Variants in IPCEF1 observed in about 807,000 individuals in gnomAD.
IPCEF1 encodes interactor protein for cytohesin exchange factors 1.
A neutral mutation model predicts 50.9 loss-of-function variants in IPCEF1; 31 were observed. The observed-to-expected ratio is 0.61, with a 90% CI of 0.46 to 0.82. IPCEF1 has a LOEUF of 0.82. Ranked by LOEUF, IPCEF1 falls within the 40% of genes least tolerant of loss-of-function variation. The pLI, the probability that IPCEF1 is intolerant of heterozygous loss-of-function variation, is 0.00. For synonymous variants in IPCEF1, 181 were observed against 192.0 expected, an observed-to-expected ratio of 0.94 and a Z score of 0.47; for missense variants, 458 against 514.0, an observed-to-expected ratio of 0.89 and a Z score of 1.05.
At chr6:154,347,771 C>A (rs1205444493) in intron 1 of IPCEF1, among the ~76,000 whole-genome samples, 1 of 152,188 alleles carries the variant, frequency 6.6e-6, no homozygotes, top group African/African-American at 2.4e-5. Flanking sequence ...CCAGGAGCAT[C>A]CATCCATTGG....
intron 2 of IPCEF1, among the ~76,000 whole-genome samples, chr6:154,274,801 C>T (rs1583933159): frequency 6.6e-6 from 1 of 152,218 alleles, no homozygotes; most frequent in South Asian, 2.1e-4. Context: ...CCACATGCAC[C>T]CTGTGTTGGT....
chr6:154,279,200 ACCAGCCAC>A (rs1562577120), intron 2 of IPCEF1, among the ~76,000 whole-genome samples: 2 of 152,164 alleles, frequency 1.3e-5, no homozygotes, highest in African/African-American at 4.8e-5. Context: ...CAACATTTCT[ACCAGCCAC>A]CAACAGTTTG....
chr6:154,237,874 A>G (rs1289433308), intron 5 of IPCEF1, among the ~76,000 whole-genome samples: 3 of 151,906 alleles, frequency 2.0e-5, no homozygotes, highest in African/African-American at 7.3e-5. Flanking sequence ...ATGTGTCAAT[A>G]CTTATACATT....
intron 1 of IPCEF1, among the ~76,000 whole-genome samples, chr6:154,344,367 T>A (rs1783982978): frequency 6.6e-6 from 1 of 152,320 alleles, no homozygotes; most frequent in East Asian, 1.9e-4. Flanking sequence ...TTTTCTTCCA[T>A]CTGTATATCC....
intron 9 of IPCEF1, among the ~76,000 whole-genome samples, chr6:154,204,687 A>G (rs1480947319): frequency 3.3e-5 from 5 of 152,180 alleles, no homozygotes; most frequent in African/African-American, 1.2e-4. Context: ...ACCTGCAAGT[A>G]CCATTCTAGT....
chr6:154,354,427 A>ACCTCCACCATCTCCTCCACCACCC (rs1562300296), intron 1 of IPCEF1, among the ~76,000 whole-genome samples: 5 of 144,934 alleles, frequency 3.4e-5, no homozygotes, highest in African/African-American at 7.6e-5. Context: ...CTCCACCACC[A>ACCTCCACCATCTCCTCCACCACCC]CCTCCACCAT....
intron 3 of IPCEF1, among the ~76,000 whole-genome samples, chr6:154,256,119 T>C (rs1465343291): frequency 6.6e-6 from 1 of 152,178 alleles, no homozygotes; most frequent in African/African-American, 2.4e-5. Context: ...AAACAACAAA[T>C]ATTTATCTCA....
chr6:154,212,802 G>C lies in IPCEF1; in HGVS notation c.505C>G (p.Pro169Ala). The change falls in exon 9 of 12, where the codon CCC becomes GCC. Residue 169 changes from proline to alanine, a missense_variant. Pro to Ala is a conservative substitution (Grantham distance 27). Coordinates refer to ENST00000367220, the MANE Select transcript of IPCEF1 (RefSeq NM_001130700.2). The part of the protein sequence containing the change: ...EDPEIAAETP[P>A]PPHASQTQSL... The stretch of plus-strand genomic sequence containing the variant: ...TGAGTCTGGGAAGCGTGAGGAGGGG[G>C]TGGTGTCTCCGCAGCTATTTCTGGA... 6.2e-7 allele frequency: 1 copy of C among 1,613,612 alleles called. No homozygotes were observed. Among genetic ancestry groups the C allele is most frequent in the Non-Finnish European group, 8.5e-7 (1 of 1,179,480 alleles).
chr6:154,261,976 A>C (rs575462066), intron 3 of IPCEF1, among the ~76,000 whole-genome samples: 1 of 152,232 alleles, frequency 6.6e-6, no homozygotes, highest in Non-Finnish European at 1.5e-5. Flanking sequence ...ACTACCTAGC[A>C]TAAAAATAGG....
intron 10 of IPCEF1, among the ~76,000 whole-genome samples, chr6:154,197,125 T>C (rs563283876): frequency 9.9e-5 from 15 of 152,186 alleles, no homozygotes; most frequent in Non-Finnish European, 1.9e-4. Context: ...TTTTGAACCA[T>C]GTTAAGATTT....
Position 154,290,850 on chromosome 6 carries a change from T to G in IPCEF1, c.-61-1094A>C, listed in dbSNP as rs369748887. 3.3e-5 allele frequency among the ~76,000 whole-genome samples: 5 copies of G among 152,020 alleles called. No individual in the cohort carries two copies. The East Asian group carries it at 7.7e-4, about 23-fold the overall frequency. ...AAAGATGTGCACATAGATTGAGAAC[T>G]TCTATCTATTTTCCTGGAATTTTTC... On this transcript the variant is annotated intron_variant, in intron 1 of 11. Coordinates refer to ENST00000367220, the MANE Select transcript of IPCEF1 (RefSeq NM_001130700.2).
chr6:154,261,789 G>A (rs149665828), intron 3 of IPCEF1, among the ~76,000 whole-genome samples: 31 of 152,184 alleles, frequency 2.0e-4, no homozygotes, highest in African/African-American at 7.5e-4. Context: ...TAGGATCAAC[G>A]AAAGGACCTT....
At chr6:154,254,941 G>A (rs1039004937) in intron 3 of IPCEF1, among the ~76,000 whole-genome samples, 1 of 151,668 alleles carries the variant, frequency 6.6e-6, no homozygotes, top group African/African-American at 2.4e-5. Flanking sequence ...TTTCTCTGAT[G>A]TTTAATTTAG....
intron 2 of IPCEF1, among the ~76,000 whole-genome samples, chr6:154,271,501 T>C (rs554257249): frequency 6.6e-6 from 1 of 152,332 alleles, no homozygotes; most frequent in African/African-American, 2.4e-5. Context: ...ACCAACTCTT[T>C]ATGATATCTA....
intron 9 of IPCEF1, among the ~76,000 whole-genome samples, chr6:154,207,047 T>C (rs1777554906): frequency 6.6e-6 from 1 of 151,860 alleles, no homozygotes; most frequent in Non-Finnish European, 1.5e-5. Context: ...AATTGGGAGG[T>C]GGTTTTTAGG....
At chr6:154,257,722 C>T (rs62433245) in intron 3 of IPCEF1, among the ~76,000 whole-genome samples, 19,778 of 152,028 alleles carry the variant, frequency 0.13, 1,455 homozygotes, top group Non-Finnish European at 0.17. Context: ...TTTTTTGAGA[C>T]AGGGTCTTGC....
chr6:154,317,846 T>C (rs1471557166), intron 1 of IPCEF1, among the ~76,000 whole-genome samples: 4 of 152,036 alleles, frequency 2.6e-5, no homozygotes, highest in Non-Finnish European at 5.9e-5. Flanking sequence ...TAGTATTTAC[T>C]GAAGAGAAAG....
intron 10 of IPCEF1, among the ~76,000 whole-genome samples, chr6:154,197,473 A>C (rs995339669): frequency 1.4e-4 from 21 of 152,188 alleles, no homozygotes; most frequent in African/African-American, 4.8e-4. Context: ...CAAATCAATG[A>C]GAGAAAAAAA....
At chr6:154,197,693 A>C (rs528385516) in intron 10 of IPCEF1, among the ~76,000 whole-genome samples, 44 of 152,314 alleles carry the variant, frequency 2.9e-4, no homozygotes, top group Non-Finnish European at 5.1e-4. Context: ...AGGAACAAGG[A>C]CTGTTGCATC....
Sources: gnomAD v4.1 joint callset for allele counts (sites outside exome capture counted in the v4.1 genomes callset) on GRCh38, gnomAD v4.1.1 for gene constraint, MANE v1.5 for transcripts, NCBI Gene and HGNC (gene_info 2026-07-23, HGNC 2026-07-21) for gene names.